MAF: variants seen among roughly 807,000 people sequenced by gnomAD.
MAF encodes the protein MAF bZIP transcription factor.
In MAF, 10 loss-of-function variants were observed where a neutral mutation model predicts 22.0. The observed-to-expected ratio is 0.45, with a 90% CI of 0.28 to 0.77. MAF has a LOEUF of 0.77. MAF is among the 30% of genes least tolerant of loss of function. MAF has a pLI of 0.12. For missense variants in MAF, 544 were observed against 548.4 expected, an observed-to-expected ratio of 0.99 and a Z score of 0.08; for synonymous variants, 337 against 255.8, an observed-to-expected ratio of 1.32 and a Z score of -3.03.
At chr16:79,203,623 T>C in the MAF span, 1 of 151,772 alleles carries the variant, frequency 6.6e-6, no homozygotes, top group South Asian at 2.1e-4. Context: ...CGTCCTGAAA[T>C]CCTCCCTGCT....
the MAF span, among the ~76,000 whole-genome samples, chr16:79,417,065 G>A: frequency 6.6e-6 from 1 of 152,178 alleles, no homozygotes. Context: ...CGAACTCACA[G>A]ACGGAAAGGG....
the MAF span, among the ~76,000 whole-genome samples, chr16:79,554,263 C>T: frequency 1.3e-5 from 2 of 152,050 alleles, no homozygotes; most frequent in Non-Finnish European, 2.9e-5. Flanking sequence ...AAGTAAAATC[C>T]CTAATTTACA....
the MAF span, among the ~76,000 whole-genome samples, chr16:79,213,407 G>GAATC: frequency 2.6e-5 from 4 of 152,146 alleles, no homozygotes; most frequent in African/African-American, 7.2e-5. Flanking sequence ...TTGAAACTAT[G>GAATC]AATCAGATAA....
the MAF span, among the ~76,000 whole-genome samples, chr16:79,258,235 G>C: frequency 6.6e-6 from 1 of 152,180 alleles, no homozygotes; most frequent in South Asian, 2.1e-4. Context: ...GATCACCACA[G>C]TCCGGAAGTG....
chr16:79,438,178 G>T, the MAF span, among the ~76,000 whole-genome samples: 3 of 152,202 alleles, frequency 2.0e-5, no homozygotes. Flanking sequence ...AAGGCCCTTT[G>T]TGGGGGGTTC....
the MAF span, among the ~76,000 whole-genome samples, chr16:79,393,084 G>A: frequency 2.1e-4 from 32 of 152,098 alleles, no homozygotes; most frequent in African/African-American, 5.8e-4. Context: ...CTTTGCTCCC[G>A]TCTCCCTGGC....
the MAF span, among the ~76,000 whole-genome samples, chr16:79,289,880 T>G: frequency 8.6e-6 from 1 of 116,878 alleles, no homozygotes; most frequent in Non-Finnish European, 1.7e-5. Flanking sequence ...TGAGACGGAG[T>G]CTTGCTCTGT....
the MAF span, among the ~76,000 whole-genome samples, chr16:79,436,224 A>G: frequency 6.6e-6 from 1 of 152,126 alleles, no homozygotes; most frequent in African/African-American, 2.4e-5. Context: ...CTGGGACTAC[A>G]GGTGCTCACC....
chr16:79,392,644 G>T, the MAF span, among the ~76,000 whole-genome samples: 1 of 152,108 alleles, frequency 6.6e-6, no homozygotes, highest in Non-Finnish European at 1.5e-5. Flanking sequence ...TACTGATGAG[G>T]TTTTACAAAT....
the MAF span, among the ~76,000 whole-genome samples, chr16:79,241,110 T>C: frequency 2.0e-4 from 31 of 152,102 alleles, no homozygotes; most frequent in African/African-American, 7.5e-4. Flanking sequence ...GGCTGGAAAT[T>C]CCAAAAACCA....
the MAF span, among the ~76,000 whole-genome samples, chr16:79,311,416 G>A: frequency 6.6e-6 from 1 of 151,120 alleles, no homozygotes; most frequent in African/African-American, 2.4e-5. Context: ...GAGTTTTCCA[G>A]AGCTGTTTGG....
the MAF span, among the ~76,000 whole-genome samples, chr16:79,457,943 G>A: frequency 3.9e-5 from 6 of 152,216 alleles, no homozygotes; most frequent in Non-Finnish European, 7.3e-5. Context: ...AATGTTGACT[G>A]TAGAACATTT....
chr16:79,270,074 G>C, the MAF span, among the ~76,000 whole-genome samples: 1 of 152,044 alleles, frequency 6.6e-6, no homozygotes, highest in East Asian at 1.9e-4. Context: ...GGGAATTCAA[G>C]TCTCCTAGCT....
At chr16:79,464,084 G>A in the MAF span, among the ~76,000 whole-genome samples, 1 of 152,160 alleles carries the variant, frequency 6.6e-6, no homozygotes, top group Non-Finnish European at 1.5e-5. Flanking sequence ...CAGTAAGAAA[G>A]CAGAAGTTCT....
the MAF span, among the ~76,000 whole-genome samples, chr16:79,402,928 T>A: frequency 6.6e-6 from 1 of 152,064 alleles, no homozygotes; most frequent in Admixed American, 6.5e-5. Context: ...GCTGGGCACA[T>A]GTGGAGGTTG....
At chr16:79,212,963 A>ATTACTTAC in the MAF span, 1 of 152,216 alleles carries the variant, frequency 6.6e-6, no homozygotes, top group African/African-American at 2.4e-5. Context: ...ATGTTTTGTT[A>ATTACTTAC]TTACTTACTT....
chr16:79,483,921 G>C, the MAF span, among the ~76,000 whole-genome samples: 2 of 152,202 alleles, frequency 1.3e-5, no homozygotes, highest in Non-Finnish European at 2.9e-5. Flanking sequence ...GAGAGGCAAG[G>C]CAGGAATGTG....
At chr16:79,575,072 G>A in the MAF span, among the ~76,000 whole-genome samples, 1,627 of 150,630 alleles carry the variant, frequency 0.011, 26 homozygotes, top group African/African-American at 0.037. Context: ...GGCCACTAAA[G>A]GTTCTTGATT....
chr16:79,303,872 A>T, the MAF span, among the ~76,000 whole-genome samples: 2 of 152,204 alleles, frequency 1.3e-5, no homozygotes, highest in Non-Finnish European at 2.9e-5. Context: ...TTTATACCAG[A>T]AAGTCAAATC....
Sources: gnomAD v4.1 joint callset for allele counts (sites outside exome capture counted in the v4.1 genomes callset) on GRCh38, gnomAD v4.1.1 for gene constraint, MANE v1.5 for transcripts, NCBI Gene and HGNC (gene_info 2026-07-23, HGNC 2026-07-21) for gene names.